MARCHF1: variants seen among roughly 807,000 people sequenced by gnomAD.
MARCHF1 encodes E3 ubiquitin-protein ligase MARCHF1.
Under a neutral mutation model 54.2 loss-of-function variants are expected in MARCHF1, and 40 were observed. The ratio of observed to expected loss-of-function variants is 0.74; its 90% CI spans 0.57 to 0.96. The LOEUF (loss-of-function observed/expected upper bound fraction) is 0.96, where lower values mean the gene tolerates loss of function less well. Among genes scored for constraint, MARCHF1 ranks in the 40% least tolerant of loss-of-function variants. The pLI is 0.00. For missense variants in MARCHF1, 586 were observed against 656.5 expected, an observed-to-expected ratio of 0.89 and a Z score of 1.17; for synonymous variants, 236 against 236.3, an observed-to-expected ratio of 1.00 and a Z score of 0.01.
At chr4:163,983,091 C>T (rs1752794339) in intron 3 of MARCHF1, among the ~76,000 whole-genome samples, 1 of 152,098 alleles carries the variant, frequency 6.6e-6, no homozygotes, top group South Asian at 2.1e-4. Flanking sequence ...AACAGATGTC[C>T]ATTAGAGGTG....
At chr4:164,087,781 T>G (rs1301973562) in intron 2 of MARCHF1, among the ~76,000 whole-genome samples, 1 of 146,228 alleles carries the variant, frequency 6.8e-6, no homozygotes, top group Non-Finnish European at 1.5e-5. Context: ...CCTCATTGTA[T>G]TCCTTAATTG....
At chr4:163,558,372 G>A (rs958852831) in intron 8 of MARCHF1, among the ~76,000 whole-genome samples, 1 of 152,210 alleles carries the variant, frequency 6.6e-6, no homozygotes, top group African/African-American at 2.4e-5. Context: ...CCTCTTCTGA[G>A]TGAGGCAGTA....
At chr4:164,275,677 A>G (rs1268787725) in intron 1 of MARCHF1, among the ~76,000 whole-genome samples, 2 of 145,328 alleles carry the variant, frequency 1.4e-5, no homozygotes, top group African/African-American at 5.2e-5. Flanking sequence ...TTAATGTATA[A>G]GAGATGTAGA....
intron 1 of MARCHF1, among the ~76,000 whole-genome samples, chr4:164,308,871 G>A (rs1274097169): frequency 6.6e-6 from 1 of 151,524 alleles, no homozygotes; most frequent in Non-Finnish European, 1.5e-5. Flanking sequence ...TTAGTGCCTG[G>A]TTGATGAAAT....
intron 4 of MARCHF1, among the ~76,000 whole-genome samples, chr4:163,842,302 T>C (rs1749362896): frequency 6.6e-6 from 1 of 151,984 alleles, no homozygotes; most frequent in Non-Finnish European, 1.5e-5. Flanking sequence ...ATCTGTGAAA[T>C]GGGGAATACA....
chr4:163,618,449 TC>T (rs1741582987), intron 5 of MARCHF1, among the ~76,000 whole-genome samples: 2 of 152,178 alleles, frequency 1.3e-5, no homozygotes, highest in Non-Finnish European at 2.9e-5. Context: ...TGAGGTAACT[TC>T]CAGAGTTTCT....
chr4:164,265,594 T>G (rs1396867682), intron 1 of MARCHF1, among the ~76,000 whole-genome samples: 1 of 151,672 alleles, frequency 6.6e-6, no homozygotes, highest in Non-Finnish European at 1.5e-5. Flanking sequence ...TATGACTCAA[T>G]TGTTTGTACT....
At chr4:164,189,888 A>G in intron 1 of MARCHF1, 12 of 1,583,060 alleles carry the variant, frequency 7.6e-6, no homozygotes, top group Non-Finnish European at 8.7e-6. Flanking sequence ...GATAGATGTG[A>G]ATGGTATTCT....
chr4:164,316,258 T>C (rs887322637), intron 1 of MARCHF1, among the ~76,000 whole-genome samples: 2 of 152,144 alleles, frequency 1.3e-5, no homozygotes, highest in Non-Finnish European at 2.9e-5. Context: ...ATGTCAAAAG[T>C]AGCAATGACT....
chr4:164,323,705 A>G (rs1735202804), intron 1 of MARCHF1, among the ~76,000 whole-genome samples: 1 of 150,968 alleles, frequency 6.6e-6, no homozygotes, highest in South Asian at 2.1e-4. Context: ...TGGAAAAATT[A>G]TAATTGAAAT....
intron 1 of MARCHF1, among the ~76,000 whole-genome samples, chr4:164,256,895 A>G (rs1048165634): frequency 6.6e-6 from 1 of 152,198 alleles, no homozygotes; most frequent in African/African-American, 2.4e-5. Flanking sequence ...TCTATTTCCA[A>G]GAGTACTTTA....
chr4:163,670,472 C>A (rs1442010617), intron 5 of MARCHF1, among the ~76,000 whole-genome samples: 2 of 151,684 alleles, frequency 1.3e-5, no homozygotes, highest in Non-Finnish European at 2.9e-5. Flanking sequence ...ATCTATTAAT[C>A]CCTCAATTGC....
At chr4:163,645,325 G>A (rs906746055) in intron 5 of MARCHF1, among the ~76,000 whole-genome samples, 2 of 152,072 alleles carry the variant, frequency 1.3e-5, no homozygotes, top group South Asian at 2.1e-4. Context: ...CCATACAACC[G>A]CAGTCCTAGA....
At chr4:164,127,578 T>G (rs1300830996) in intron 1 of MARCHF1, among the ~76,000 whole-genome samples, 1 of 151,980 alleles carries the variant, frequency 6.6e-6, no homozygotes, top group East Asian at 1.9e-4. Context: ...AAAAATGTAG[T>G]AAACTAGAAA....
chr4:164,325,652 C>A (rs1180400220), intron 1 of MARCHF1, among the ~76,000 whole-genome samples: 1 of 151,810 alleles, frequency 6.6e-6, no homozygotes, highest in Non-Finnish European at 1.5e-5. Flanking sequence ...TCGCTTGAAC[C>A]CAGGAGGTGG....
intron 1 of MARCHF1, among the ~76,000 whole-genome samples, chr4:164,296,755 C>T (rs1043052971): frequency 3.3e-5 from 5 of 152,130 alleles, no homozygotes; most frequent in Admixed American, 3.3e-4. Flanking sequence ...TATGAATGCA[C>T]ATCACTTGTA....
Position 164,155,968 on chromosome 4 carries a change from C to T in MARCHF1, c.-322-44306G>A, listed in dbSNP as rs561418155. On this transcript the variant is annotated intron_variant, in intron 1 of 9. Transcript: ENST00000514618. ...GTAGCATATATTAGTGGTAATAAAT[C>T]ATAATTTTCGGGGGAAGTATCTACT... Among the ~76,000 whole-genome samples, 174 of 152,172 alleles carry T rather than the reference C, an allele frequency of 1.1e-3. 2 individuals are homozygous for T. Among genetic ancestry groups the T allele is most frequent in the Admixed American group, 0.011 (173 of 15,270 alleles).
At chr4:163,809,732 AAAGTC>A (rs1361490756) in intron 4 of MARCHF1, among the ~76,000 whole-genome samples, 1 of 152,070 alleles carries the variant, frequency 6.6e-6, no homozygotes, top group East Asian at 1.9e-4. Context: ...CATACATGTA[AAAGTC>A]AAGTACACAC....
intron 1 of MARCHF1, among the ~76,000 whole-genome samples, chr4:164,358,251 G>GA (rs1730619748): frequency 6.6e-6 from 1 of 152,142 alleles, no homozygotes; most frequent in South Asian, 2.1e-4. Context: ...GGAGGCCACA[G>GA]CATCCTCTTG....
Sources: gnomAD v4.1 joint callset for allele counts (sites outside exome capture counted in the v4.1 genomes callset) on GRCh38, gnomAD v4.1.1 for gene constraint, MANE v1.5 for transcripts, NCBI Gene and HGNC (gene_info 2026-07-23, HGNC 2026-07-21) for gene names.